The following TRAPPC10 variants were observed in gnomAD, a reference collection of about 807,000 sequenced individuals.
The protein encoded by TRAPPC10 is trafficking protein particle complex subunit 10, also known as TRAPP 130 kDa subunit.
In TRAPPC10, 23 loss-of-function variants were observed where a neutral mutation model predicts 125.5. The ratio of observed to expected loss-of-function variants is 0.18; its 90% CI spans 0.13 to 0.26. TRAPPC10 has a LOEUF of 0.26. Ranked by LOEUF, TRAPPC10 falls within the 10% of genes least tolerant of loss-of-function variation. The pLI is 1.00. For synonymous variants in TRAPPC10, 509 were observed against 518.0 expected (o/e 0.98, Z 0.24); for missense variants, 1,123 against 1,308.4 (o/e 0.86, Z 2.19).
chr21:44,050,935 C>A (rs1393892767), intron 3 of TRAPPC10, among the ~76,000 whole-genome samples: 2 of 152,136 alleles, frequency 1.3e-5, no homozygotes, highest in East Asian at 3.9e-4. Flanking sequence ...GACGCAGTCT[C>A]GCTCTGTCGC....
chr21:44,034,901 A>G (rs1040749180), intron 2 of TRAPPC10, among the ~76,000 whole-genome samples: 1 of 152,242 alleles, frequency 6.6e-6, no homozygotes, highest in Non-Finnish European at 1.5e-5. Flanking sequence ...GAGAGAAGCA[A>G]GGAACCTCCC....
intron 1 of TRAPPC10, among the ~76,000 whole-genome samples, chr21:44,024,995 G>T (rs918662563): frequency 3.3e-5 from 5 of 152,238 alleles, no homozygotes; most frequent in African/African-American, 1.2e-4. Flanking sequence ...CTAGGAGTAT[G>T]TTGAGATCAT....
At chr21:44,018,591 CG>C (rs1424996056) in intron 1 of TRAPPC10, among the ~76,000 whole-genome samples, 3 of 150,734 alleles carry the variant, frequency 2.0e-5, no homozygotes, top group Non-Finnish European at 4.4e-5. Flanking sequence ...CCCAGCTACT[CG>C]GGAGGTTGAG....
In TRAPPC10 at chr21:44,055,708, C is replaced by T; in HGVS notation, c.493C>T (p.Leu165Phe). ...TTCATGTCTTTGCAGGTGTGTTGTGCTCTCCGACCCCTTGAAGGACTCTTC... is the reference window on the plus strand; with the variant it reads ...TTCATGTCTTTGCAGGTGTGTTGTGTTCTCCGACCCCTTGAAGGACTCTTC... ...CNKQSDRCVV[L>F]SDPLKDSSRT... Residue 165 changes from leucine to phenylalanine, a missense_variant, in exon 5 of 23, where the codon CTC becomes TTC. Physicochemically the swap from Leu to Phe is conservative, Grantham distance 22. Around this residue, in one of 4 missense-constraint regions of TRAPPC10, gnomAD observed 177 missense variants for 228.9 expected, o/e 0.77. Coordinates refer to ENST00000291574, the MANE Select transcript of TRAPPC10 (RefSeq NM_003274.5). 4 of 1,604,568 alleles carry T rather than the reference C, an allele frequency of 2.5e-6. No individual in the cohort carries two copies. The highest frequency in any genetic ancestry group is 3.4e-6 in the Non-Finnish European group (4 of 1,172,450).
chr21:44,064,324 TGTGTGTGTGTGTGTGA>T (rs2036278073), intron 7 of TRAPPC10, among the ~76,000 whole-genome samples: 1 of 151,950 alleles, frequency 6.6e-6, no homozygotes, highest in East Asian at 1.9e-4. Flanking sequence ...TGTGTGTGTG[TGTGTGTGTGTGTGTGA>T]GTGTGAGAAT....
At chr21:44,062,014 C>G (rs2036094710) in intron 6 of TRAPPC10, among the ~76,000 whole-genome samples, 1 of 152,108 alleles carries the variant, frequency 6.6e-6, no homozygotes, top group Non-Finnish European at 1.5e-5. Flanking sequence ...CCATATGGTC[C>G]CTGGCAGCAG....
At chr21:44,044,660 C>CT (rs34356064) in intron 3 of TRAPPC10, among the ~76,000 whole-genome samples, 1,604 of 86,238 alleles carry the variant, frequency 0.019, 29 homozygotes, top group South Asian at 0.04. Context: ...AAAATCATGT[C>CT]TTTTTTTTTT....
chr21:44,042,834 T>C (rs73909115), intron 3 of TRAPPC10, among the ~76,000 whole-genome samples: 9,733 of 152,240 alleles, frequency 0.064, 644 homozygotes, highest in African/African-American at 0.16. Context: ...TTACAGTTTT[T>C]ATGGAGTGAA....
At chr21:44,032,316 G>T in intron 2 of TRAPPC10, 144 bp downstream of exon 2, 1 of 524,076 alleles carries the variant, frequency 1.9e-6, no homozygotes, top group Non-Finnish European at 3.3e-6. Flanking sequence ...TAAAGAAACA[G>T]AATGACCTCA....
chr21:44,041,293 T>G (rs1352547608), intron 3 of TRAPPC10, among the ~76,000 whole-genome samples: 3 of 152,250 alleles, frequency 2.0e-5, no homozygotes, highest in Non-Finnish European at 4.4e-5. Flanking sequence ...TTTGCTAATT[T>G]TGATAAAGTA....
chr21:44,047,568 G>GCGCA (rs2034943859), intron 3 of TRAPPC10, among the ~76,000 whole-genome samples: 2 of 151,246 alleles, frequency 1.3e-5, no homozygotes, highest in African/African-American at 4.9e-5. Context: ...GTGTGTGTGC[G>GCGCA]CGCACACGCT....
intron 19 of TRAPPC10, among the ~76,000 whole-genome samples, chr21:44,092,684 C>A (rs2038668708): frequency 6.6e-6 from 1 of 152,178 alleles, no homozygotes. Flanking sequence ...GTGGACTTTA[C>A]ATGTAATAGC....
intron 8 of TRAPPC10, 71 bp downstream of exon 8, chr21:44,074,541 G>C (rs2037132342): frequency 3.8e-6 from 6 of 1,593,836 alleles, no homozygotes; most frequent in Non-Finnish European, 1.7e-6. Flanking sequence ...GAGGAAGTCT[G>C]CTGTTTGGAG....
chr21:44,012,920 G>GC (rs949881369), intron 1 of TRAPPC10, among the ~76,000 whole-genome samples: 1 of 152,084 alleles, frequency 6.6e-6, no homozygotes, highest in Non-Finnish European at 1.5e-5. Flanking sequence ...GGACCTGGGG[G>GC]CCCCGGCCTC....
chr21:44,047,749 T>A (rs1182405439), intron 3 of TRAPPC10, among the ~76,000 whole-genome samples: 1 of 152,226 alleles, frequency 6.6e-6, no homozygotes, highest in African/African-American at 2.4e-5. Context: ...CATTTTAGAT[T>A]TGAGGTTTTC....
At chr21:44,026,930 A>G (rs1041802315) in intron 1 of TRAPPC10, among the ~76,000 whole-genome samples, 13 of 152,294 alleles carry the variant, frequency 8.5e-5, no homozygotes, top group Non-Finnish European at 1.6e-4. Flanking sequence ...TTTCTCACCC[A>G]TTAGTGCTCT....
chr21:44,022,830 T>C (rs2032670646), intron 1 of TRAPPC10, among the ~76,000 whole-genome samples: 1 of 151,950 alleles, frequency 6.6e-6, no homozygotes, highest in Admixed American at 6.6e-5. Flanking sequence ...GCCTAGACTT[T>C]GGTAGTTGGA....
Position 44,062,558 on chromosome 21 carries a change from AAGGGAACTGCTGGTAC to A in TRAPPC10, c.791-975_791-960del, listed in dbSNP as rs1293348949. Reference sequence around the variant, plus strand: ...AATCCTGTGGGAGGGGAGCCTAGCCAAGGGAACTGCTGGTACAGGGCTGGGCTGGTACAGGGCTGGG... The same window carrying A: ...AATCCTGTGGGAGGGGAGCCTAGCCAAGGGCTGGGCTGGTACAGGGCTGGG... On this transcript the variant is annotated intron_variant, in intron 6 of 22. Coordinates refer to ENST00000291574, the MANE Select transcript of TRAPPC10 (RefSeq NM_003274.5). The A allele has an allele frequency of 4.1e-6, 4 of 984,784 alleles. No individual in the cohort carries two copies. The African/African-American group carries it at 7.0e-5, about 17-fold the overall frequency. The allele number at this position is 984,784 out of a possible 1,614,324, so 61.0% of individuals were successfully genotyped here.
In TRAPPC10 at chr21:44,047,532, A is replaced by ATGTGTGTGTGTGTGTGTGTGTGTG. The variant is rs33940679; in HGVS notation, c.286-4737_286-4714dup. On this transcript the variant is annotated intron_variant, in intron 3 of 22. Coordinates refer to ENST00000291574, the MANE Select transcript of TRAPPC10 (RefSeq NM_003274.5). ...TCTGTTGCACCCTCTCTGGGGGAGTATGTGTGTGTGTGTGTGTGTGTGTGT... is the reference window on the plus strand; with the variant it reads ...TCTGTTGCACCCTCTCTGGGGGAGTATGTGTGTGTGTGTGTGTGTGTGTGTGTGTGTGTGTGTGTGTGTGTGTGT... Among the ~76,000 whole-genome samples, 426 of 142,866 alleles carry ATGTGTGTGTGTGTGTGTGTGTGTG rather than the reference A, an allele frequency of 3.0e-3. 4 individuals are homozygous for ATGTGTGTGTGTGTGTGTGTGTGTG. Among genetic ancestry groups the ATGTGTGTGTGTGTGTGTGTGTGTG allele is most frequent in the East Asian group, 0.021 (97 of 4,548 alleles). The allele number at this position is 142,866 out of a possible 152,430, so 93.7% of individuals were successfully genotyped here. A position where few individuals can be genotyped will look rare whatever the true frequency, so the allele number is the denominator to read the frequency against.
Sources: allele counts gnomAD v4.1 joint callset (sites outside exome capture counted in the v4.1 genomes callset), GRCh38; gene constraint gnomAD v4.1.1; regional missense constraint gnomAD v4.1.1; transcripts MANE v1.5; gene names NCBI Gene and HGNC (gene_info 2026-07-23, HGNC 2026-07-21).